Variants in ZHX3 observed in about 807,000 individuals in gnomAD.
The protein encoded by ZHX3 is zinc fingers and homeoboxes 3.
In ZHX3, 20 loss-of-function variants were observed where a neutral mutation model predicts 64.5. The ratio of observed to expected loss-of-function variants is 0.31; its 90% confidence interval spans 0.22 to 0.45. ZHX3 has a LOEUF of 0.45. Ranked by LOEUF, ZHX3 falls within the 20% of genes least tolerant of loss-of-function variation. ZHX3 has a pLI of 1.00. For missense variants in ZHX3, 1,041 were observed against 1,195.8 expected, an observed-to-expected ratio of 0.87 and a Z score of 1.91; for synonymous variants, 423 against 461.6, an observed-to-expected ratio of 0.92 and a Z score of 1.07.
chr20:41,303,088 T>C (rs1352959008), intron 1 of ZHX3, among the ~76,000 whole-genome samples: 1 of 152,244 alleles, frequency 6.6e-6, no homozygotes, highest in Non-Finnish European at 1.5e-5. Flanking sequence ...ATCAATACTA[T>C]TGTTATTAAC....
intron 2 of ZHX3, among the ~76,000 whole-genome samples, chr20:41,229,555 T>C (rs1270460678): frequency 6.6e-6 from 1 of 152,196 alleles, no homozygotes; most frequent in Non-Finnish European, 1.5e-5. Context: ...TCCACATTCA[T>C]GGCAATATCT....
chr20:41,283,901 A>G (rs545424076), intron 1 of ZHX3, among the ~76,000 whole-genome samples: 7 of 152,274 alleles, frequency 4.6e-5, no homozygotes, highest in Non-Finnish European at 5.9e-5. Context: ...AAAGGTCTTG[A>G]GTGGAGAGAA....
intron 2 of ZHX3, among the ~76,000 whole-genome samples, chr20:41,266,494 G>A (rs2146598827): frequency 6.6e-6 from 1 of 151,468 alleles, no homozygotes. Context: ...TCTTCTTTCA[G>A]GTCACCTCTC....
At chr20:41,289,346 T>C (rs974081789) in intron 1 of ZHX3, among the ~76,000 whole-genome samples, 3 of 152,112 alleles carry the variant, frequency 2.0e-5, no homozygotes, top group African/African-American at 7.2e-5. Context: ...TACCAGGTCA[T>C]TGGTAAATAA....
chr20:41,241,649 A>G (rs1466125019), intron 2 of ZHX3, among the ~76,000 whole-genome samples: 2 of 151,464 alleles, frequency 1.3e-5, no homozygotes, highest in Non-Finnish European at 2.9e-5. Context: ...GGTTACTATA[A>G]CTCTGTGTAT....
intron 1 of ZHX3, among the ~76,000 whole-genome samples, chr20:41,274,440 A>G (rs2146649463): frequency 6.6e-6 from 1 of 152,368 alleles, no homozygotes; most frequent in East Asian, 1.9e-4. Context: ...CAGAGCTTAA[A>G]GTATCAACTG....
At chr20:41,283,093 A>T (rs2043772271) in intron 1 of ZHX3, among the ~76,000 whole-genome samples, 1 of 152,036 alleles carries the variant, frequency 6.6e-6, no homozygotes, top group Non-Finnish European at 1.5e-5. Context: ...TTTTTAGTAG[A>T]AACAGGGTTT....
chr20:41,215,889 T>C (rs1037612688), intron 2 of ZHX3, among the ~76,000 whole-genome samples: 1 of 150,736 alleles, frequency 6.6e-6, no homozygotes, highest in African/African-American at 2.4e-5. Context: ...GAGGCGGAGC[T>C]TGCAGTGAGC....
At chr20:41,297,288 G>C (rs1194584854) in intron 1 of ZHX3, among the ~76,000 whole-genome samples, 2 of 152,148 alleles carry the variant, frequency 1.3e-5, no homozygotes, top group Non-Finnish European at 2.9e-5. Flanking sequence ...GGCCTGAGTT[G>C]GTCCCACAGC....
At chr20:41,234,840 G>A (rs1005093936) in intron 2 of ZHX3, among the ~76,000 whole-genome samples, 1 of 152,222 alleles carries the variant, frequency 6.6e-6, no homozygotes, top group African/African-American at 2.4e-5. Flanking sequence ...AGCATGCAGG[G>A]CCAGGCACCT....
intron 1 of ZHX3, among the ~76,000 whole-genome samples, chr20:41,315,516 C>T (rs1307151140): frequency 6.6e-6 from 1 of 151,938 alleles, no homozygotes; most frequent in Admixed American, 6.6e-5. Flanking sequence ...ATCTGTCTGG[C>T]AAGGCTCGAA....
rs1441839403 is a variant in ZHX3 at position 41,183,343 on chromosome 20, A to T, written c.*1848T>A. 1.3e-5 allele frequency: 2 copies of T among 152,222 alleles called. No homozygotes were observed. Among genetic ancestry groups the T allele is most frequent in the African/African-American group, 4.8e-5 (2 of 41,458 alleles). The allele number at this position is 152,222 out of a possible 1,614,324, so 9.4% of individuals were successfully genotyped here. ...TTACTCCCCAAATTAAGAATACAAA[A>T]ATAGGCTGCAAAACTTGCCAAGTAC... On this transcript the variant is annotated 3_prime_UTR_variant, in exon 4 of 4. Coordinates refer to ENST00000683867, the MANE Select transcript of ZHX3 (RefSeq NM_001384317.1). The surrounding 1 kb of genome is among the most constrained non-coding windows in gnomAD (Gnocchi z 5.3).
At chr20:41,255,130 C>G (rs1408152845) in intron 2 of ZHX3, among the ~76,000 whole-genome samples, 1 of 152,058 alleles carries the variant, frequency 6.6e-6, no homozygotes, top group South Asian at 2.1e-4. Flanking sequence ...CTGGAAAGGT[C>G]AAAAGGATTT....
chr20:41,191,302 T>C (rs1004572977), intron 3 of ZHX3, among the ~76,000 whole-genome samples: 2 of 152,126 alleles, frequency 1.3e-5, no homozygotes, highest in Non-Finnish European at 2.9e-5. Flanking sequence ...CTTGATCTAA[T>C]ATATTGTTGA....
In ZHX3 at chr20:41,272,592, C is replaced by A. The variant is rs2043196089; in HGVS notation, c.-244-3509G>T. On this transcript the variant is annotated intron_variant, in intron 1 of 3. Transcript: ENST00000683867. ...TATGCTTTATGTCTCCATAAAATTA[C>A]CTCTTGTGGATATTCCCTAAAAATG... Among the ~76,000 whole-genome samples, 3 of 152,290 alleles carry A rather than the reference C, an allele frequency of 2.0e-5. No homozygotes were observed. The South Asian group carries it at 6.2e-4, about 32-fold the overall frequency.
At chr20:41,266,509 G>A (rs2146599022) in intron 2 of ZHX3, among the ~76,000 whole-genome samples, 1 of 150,436 alleles carries the variant, frequency 6.6e-6, no homozygotes, top group Middle Eastern at 3.5e-3. Context: ...CCTCTCACCT[G>A]AACCACTGTA....
At chr20:41,308,736 G>C (rs1229367249) in intron 1 of ZHX3, among the ~76,000 whole-genome samples, 2 of 152,172 alleles carry the variant, frequency 1.3e-5, no homozygotes, top group African/African-American at 4.8e-5. Context: ...AAAATAGGGA[G>C]AATGGGGCAG....
At chr20:41,316,344 T>C (rs1256008003) in intron 1 of ZHX3, among the ~76,000 whole-genome samples, 1 of 152,210 alleles carries the variant, frequency 6.6e-6, no homozygotes. Context: ...CTCGAATAAG[T>C]TGTTCCAGCT....
intron 1 of ZHX3, among the ~76,000 whole-genome samples, chr20:41,315,346 CTTTTTT>C (rs11471425): frequency 1.2e-4 from 7 of 56,054 alleles, no homozygotes; most frequent in African/African-American, 2.9e-4. Flanking sequence ...CCAGGCCTGG[CTTTTTT>C]TTTTTTTTTT....
Sources: gnomAD v4.1 joint callset for allele counts (sites outside exome capture counted in the v4.1 genomes callset) on GRCh38, gnomAD v4.1.1 for gene constraint, Gnocchi (gnomAD v3.1) non-coding constraint, MANE v1.5 for transcripts, NCBI Gene and HGNC (gene_info 2026-07-23, HGNC 2026-07-21) for gene names.